Variants in XRN2 observed in about 807,000 individuals in gnomAD.
XRN2 encodes the protein 5'-3' exoribonuclease 2, also known as DHM1-like protein.
A neutral mutation model predicts 138.5 loss-of-function variants in XRN2; 44 were observed. The ratio of observed to expected loss-of-function variants is 0.32; its 90% CI spans 0.25 to 0.41. The LOEUF is 0.41. Ranked by LOEUF, XRN2 falls within the 10% of genes least tolerant of loss-of-function variation. The pLI, the probability that XRN2 is intolerant of heterozygous loss-of-function variation, is 1.00. For synonymous variants in XRN2, 354 were observed against 369.4 expected, an observed-to-expected ratio of 0.96 and a Z score of 0.48; for missense variants, 937 against 1,169.3, an observed-to-expected ratio of 0.80 and a Z score of 2.90.
intron 1 of XRN2, among the ~76,000 whole-genome samples, chr20:21,324,108 G>C (rs2038086390): frequency 1.3e-5 from 2 of 151,902 alleles, no homozygotes; most frequent in African/African-American, 4.8e-5. Context: ...TTTAATTTTG[G>C]GGTCATCAAA....
chr20:21,367,050 C>T (rs1329019012), intron 26 of XRN2, among the ~76,000 whole-genome samples: 3 of 152,092 alleles, frequency 2.0e-5, no homozygotes, highest in East Asian at 3.9e-4. Context: ...CCTCCAGTCT[C>T]TTAAATTTTT....
At chr20:21,326,728 C>T in intron 3 of XRN2, 127 bp downstream of exon 3, 1 of 728,972 alleles carries the variant, frequency 1.4e-6, no homozygotes, top group Non-Finnish European at 2.2e-6. Context: ...AAAGCCTCAT[C>T]CTTCAGTCAT....
chr20:21,330,143 C>T (rs757792341), intron 4 of XRN2, among the ~76,000 whole-genome samples: 4 of 152,116 alleles, frequency 2.6e-5, no homozygotes, highest in African/African-American at 9.6e-5. Flanking sequence ...ATTAGCCAGG[C>T]GTGGTGGCAG....
chr20:21,328,700 T>A (rs753420500), intron 4 of XRN2, 30 bp downstream of exon 4: 1 of 1,600,068 alleles, frequency 6.2e-7, no homozygotes, highest in Admixed American at 1.7e-5. Context: ...AAGTTGGATT[T>A]TTTCATAAGA....
rs1190934897 is a variant in XRN2, at chr20:21,305,812, C to A, written c.75+2339C>A. On this transcript the variant is annotated intron_variant, in intron 1 of 29. Coordinates refer to ENST00000377191, the MANE Select transcript of XRN2 (RefSeq NM_012255.5). ...CCAGGCTGGAGTGCAGTGGCTCAAT[C>A]AATCTCGGCTCACTGCAAGCTCCGC... Among the ~76,000 whole-genome samples the A allele has an allele frequency of 9.6e-5, 6 of 62,390 alleles. 3 individuals are homozygous for A. Among genetic ancestry groups the A allele is most frequent in the Non-Finnish European group, 2.2e-4 (6 of 27,904 alleles). 40.9% of individuals were successfully genotyped at this position (62,390 alleles called of 152,430 possible). A position where few individuals can be genotyped will look rare whatever the true frequency, so the allele number is the denominator to read the frequency against.
chr20:21,335,066 A>T (rs1357437602), intron 13 of XRN2, among the ~76,000 whole-genome samples: 1 of 152,184 alleles, frequency 6.6e-6, no homozygotes, highest in African/African-American at 2.4e-5. Context: ...TTAAAGAGAA[A>T]GAGGAGCCAG....
rs1469203755 is a variant in XRN2, at chr20:21,353,264, ATC to A, written c.1937-1521_1937-1520del. 1.2e-3 allele frequency among the ~76,000 whole-genome samples: 16 copies of A among 13,096 alleles called. 1 individual carries two copies. The highest frequency in any genetic ancestry group is 2.5e-3 in the African/African-American group (15 of 6,080). The allele number at this position is 13,096 out of a possible 152,430, so 8.6% of individuals were successfully genotyped here. A position where few individuals can be genotyped will look rare whatever the true frequency, so the allele number is the denominator to read the frequency against. The stretch of plus-strand genomic sequence containing the variant: ...TATATATATATATATATATATATAT[ATC>A]TCTTAAATGTAGTGGGTAGAAAACA... On this transcript the variant is annotated intron_variant, in intron 20 of 29. Transcript: ENST00000377191.
chr20:21,389,168 C>A, intron 29 of XRN2, 105 bp from the exon 30 acceptor site: 1 of 1,007,096 alleles, frequency 9.9e-7, no homozygotes. Context: ...ACCTTTAACA[C>A]ATACTCAGTT....
At chr20:21,326,434 T>C (rs547728016) in intron 2 of XRN2, 28 bp downstream of exon 2, 25 of 1,613,704 alleles carry the variant, frequency 1.5e-5, no homozygotes, top group Middle Eastern at 1.7e-4. Context: ...GTCACTGATA[T>C]AGCAAATCAC....
At chr20:21,381,176 A>T (rs1390993590) in intron 27 of XRN2, among the ~76,000 whole-genome samples, 1 of 152,178 alleles carries the variant, frequency 6.6e-6, no homozygotes, top group Non-Finnish European at 1.5e-5. Flanking sequence ...ACATTATGGT[A>T]AGCGTTGTCC....
Position 21,344,219 on chromosome 20 carries a change from T to A in XRN2, c.1529+11T>A. The A allele has an allele frequency of 6.2e-7, 1 of 1,602,380 alleles. No homozygotes were observed. Among genetic ancestry groups the A allele is most frequent in the Non-Finnish European group, 8.5e-7 (1 of 1,169,900 alleles). On this transcript the variant is annotated intron_variant, in intron 16 of 29. Transcript: ENST00000377191. Reference sequence around the variant, plus strand: ...AGAGGATAATGTCAGGTGAAGCCATTTTTTGGTAGCACTTTGTTAGCAAAT... The same window carrying A: ...AGAGGATAATGTCAGGTGAAGCCATATTTTGGTAGCACTTTGTTAGCAAAT...
At chr20:21,324,758 G>C (rs891415841) in intron 1 of XRN2, among the ~76,000 whole-genome samples, 1 of 152,076 alleles carries the variant, frequency 6.6e-6, no homozygotes, top group African/African-American at 2.4e-5. Flanking sequence ...CTCAGCTTCC[G>C]AAGTAGCTGA....
chr20:21,344,518 C>T (rs769607215), intron 16 of XRN2, among the ~76,000 whole-genome samples: 22 of 152,104 alleles, frequency 1.4e-4, no homozygotes, highest in Non-Finnish European at 2.2e-4. Context: ...ACTATGTGAT[C>T]TGAATGTTGC....
At chr20:21,308,743 G>T (rs1435819595) in intron 1 of XRN2, among the ~76,000 whole-genome samples, 1 of 152,018 alleles carries the variant, frequency 6.6e-6, no homozygotes, top group African/African-American at 2.4e-5. Flanking sequence ...TATATCTTTT[G>T]CAAATATTTT....
chr20:21,330,450 G>A, intron 4 of XRN2, 31 bp from the exon 5 acceptor site: 1 of 1,607,842 alleles, frequency 6.2e-7, no homozygotes, highest in Non-Finnish European at 8.5e-7. Context: ...ACTTTTTATG[G>A]GGAGAACAAA....
intron 1 of XRN2, chr20:21,303,863 G>T: frequency 1.0e-6 from 1 of 985,264 alleles, no homozygotes; most frequent in Non-Finnish European, 1.2e-6. Context: ...CTGAGCTAGC[G>T]GGTTATGGAT....
chr20:21,317,456 A>G (rs2037975480), intron 1 of XRN2, among the ~76,000 whole-genome samples: 1 of 152,136 alleles, frequency 6.6e-6, no homozygotes, highest in South Asian at 2.1e-4. Context: ...GATAAATCCT[A>G]CTTGGTCATG....
At chr20:21,363,921 A>C (rs764888202) in intron 24 of XRN2, among the ~76,000 whole-genome samples, 12 of 152,116 alleles carry the variant, frequency 7.9e-5, no homozygotes, top group Non-Finnish European at 1.5e-4. Flanking sequence ...TAAGGTCATT[A>C]AGTATTCTGT....
intron 26 of XRN2, among the ~76,000 whole-genome samples, chr20:21,367,495 C>T (rs1224706973): frequency 6.6e-6 from 1 of 151,380 alleles, no homozygotes; most frequent in African/African-American, 2.4e-5. Flanking sequence ...GGCTTTAGAT[C>T]TTAAATGTCT....
Sources: allele counts gnomAD v4.1 joint callset (sites outside exome capture counted in the v4.1 genomes callset), GRCh38; gene constraint gnomAD v4.1.1; transcripts MANE v1.5; gene names NCBI Gene and HGNC (gene_info 2026-07-23, HGNC 2026-07-21).